Variants in CSMD1 observed in about 807,000 individuals in gnomAD.
The protein encoded by CSMD1 is CUB and sushi domain-containing protein 1.
Under a neutral mutation model 417.5 loss-of-function variants are expected in CSMD1, and 213 were observed. That is an observed-to-expected ratio of 0.51 (90% CI 0.46 to 0.57). The LOEUF is 0.57. Ranked by LOEUF, CSMD1 falls within the 20% of genes least tolerant of loss-of-function variation. CSMD1 has a pLI of 0.00. For synonymous variants in CSMD1, 2,862 were observed against 1,736.8 expected, an observed-to-expected ratio of 1.65 and a Z score of -16.11; for missense variants, 6,923 against 4,529.7, an observed-to-expected ratio of 1.53 and a Z score of -15.17.
chr8:4,606,385 A>G (rs1021169351), intron 2 of CSMD1, among the ~76,000 whole-genome samples: 1 of 151,398 alleles, frequency 6.6e-6, no homozygotes, highest in African/African-American at 2.4e-5. Context: ...TTTCTGTGCC[A>G]GAGGTGAGGC....
At chr8:4,149,990 C>G (rs907713949) in intron 3 of CSMD1, among the ~76,000 whole-genome samples, 7 of 152,294 alleles carry the variant, frequency 4.6e-5, no homozygotes, top group South Asian at 2.1e-4. Flanking sequence ...ACAGAGAAGT[C>G]AGAGAGACTG....
At chr8:3,956,623 C>A (rs73658506) in intron 5 of CSMD1, among the ~76,000 whole-genome samples, 3,468 of 152,264 alleles carry the variant, frequency 0.023, 133 homozygotes, top group African/African-American at 0.08. Flanking sequence ...GATAACAAGA[C>A]TAAAATGTTG....
chr8:3,244,478 A>G (rs1485924726), intron 26 of CSMD1, among the ~76,000 whole-genome samples: 1 of 152,138 alleles, frequency 6.6e-6, no homozygotes, highest in Non-Finnish European at 1.5e-5. Context: ...CAGTCTTTCC[A>G]GGAAGAAAGG....
intron 3 of CSMD1, among the ~76,000 whole-genome samples, chr8:4,244,228 G>A (rs774616543): frequency 6.6e-6 from 1 of 152,150 alleles, no homozygotes; most frequent in African/African-American, 2.4e-5. Context: ...AACAGTAACA[G>A]CTAGGCTTGA....
Position 4,337,214 on chromosome 8 carries a change from T to A in CSMD1, c.415+82739A>T, listed in dbSNP as rs1442433484. Among the ~76,000 whole-genome samples, 4 of 152,096 alleles carry A rather than the reference T, an allele frequency of 2.6e-5. No homozygotes were observed. The East Asian group carries it at 7.7e-4, about 29-fold the overall frequency. Reference sequence around the variant, plus strand: ...ATCTCAAAAGGGGAGACTTTCAATCTTTACCCAGGAGGCAAAAACTCCACT... The same window carrying A: ...ATCTCAAAAGGGGAGACTTTCAATCATTACCCAGGAGGCAAAAACTCCACT... On this transcript the variant is annotated intron_variant, in intron 3 of 69. Coordinates refer to ENST00000635120, the MANE Select transcript of CSMD1 (RefSeq NM_033225.6).
intron 3 of CSMD1, among the ~76,000 whole-genome samples, chr8:4,059,663 AC>A (rs1798870898): frequency 6.6e-6 from 1 of 152,156 alleles, no homozygotes; most frequent in African/African-American, 2.4e-5. Context: ...TACTACAAAC[AC>A]CTCTACGCAA....
chr8:3,745,161 A>T (rs1380420285), intron 6 of CSMD1, among the ~76,000 whole-genome samples: 1 of 152,244 alleles, frequency 6.6e-6, no homozygotes, highest in East Asian at 1.9e-4. Flanking sequence ...CAAAATATCT[A>T]TGAAAAACCA....
chr8:4,726,650 C>T (rs1563230065), intron 1 of CSMD1, among the ~76,000 whole-genome samples: 1 of 152,190 alleles, frequency 6.6e-6, no homozygotes, highest in Non-Finnish European at 1.5e-5. Context: ...GGTACTTCAT[C>T]ATCCTCCCTC....
intron 5 of CSMD1, among the ~76,000 whole-genome samples, chr8:3,842,196 T>C (rs900325743): frequency 6.6e-6 from 1 of 152,178 alleles, no homozygotes; most frequent in Non-Finnish European, 1.5e-5. Flanking sequence ...CATTGTAATA[T>C]TCCCATTTTC....
intron 9 of CSMD1, among the ~76,000 whole-genome samples, chr8:3,580,521 C>T (rs919437720): frequency 7.2e-5 from 11 of 152,020 alleles, no homozygotes; most frequent in Non-Finnish European, 1.6e-4. Flanking sequence ...TCTTTGATGT[C>T]AATAGAGTAT....
intron 3 of CSMD1, among the ~76,000 whole-genome samples, chr8:4,220,325 A>T (rs537493808): frequency 2.0e-5 from 3 of 152,250 alleles, no homozygotes; most frequent in Non-Finnish European, 2.9e-5. Context: ...GAAGCGTGAG[A>T]AGGAGGTTAG....
At chr8:4,340,074 A>T (rs1286536828) in intron 3 of CSMD1, among the ~76,000 whole-genome samples, 4 of 152,132 alleles carry the variant, frequency 2.6e-5, no homozygotes, top group Non-Finnish European at 1.5e-5. Context: ...GACTCTGGTA[A>T]CGTAAGTATT....
chr8:4,275,446 C>A (rs999748738), intron 3 of CSMD1, among the ~76,000 whole-genome samples: 2 of 151,764 alleles, frequency 1.3e-5, no homozygotes, highest in Non-Finnish European at 2.9e-5. Context: ...ATACTATGGC[C>A]TTTATTTAAA....
chr8:4,543,733 C>A (rs534364016), intron 2 of CSMD1, among the ~76,000 whole-genome samples: 3 of 139,890 alleles, frequency 2.1e-5, no homozygotes, highest in South Asian at 4.7e-4. Flanking sequence ...ACGGGCTGTA[C>A]CATTTTGCAT....
At chr8:4,914,681 G>A (rs566474423) in intron 1 of CSMD1, among the ~76,000 whole-genome samples, 88 of 151,996 alleles carry the variant, frequency 5.8e-4, no homozygotes, top group South Asian at 1.2e-3. Context: ...ACTAATCCGT[G>A]AAAATGAACT....
rs182903295 is a variant in CSMD1, at chr8:4,019,844, G to A, written c.610+12061C>T. Among the ~76,000 whole-genome samples, 17 of 150,374 alleles carry A rather than the reference G, an allele frequency of 1.1e-4. No homozygotes were observed. In the East Asian group the frequency reaches 2.7e-3, roughly 24 times the overall value. ...ACTAGGCACTCTTGTCCTTTTTCCT[G>A]AGCCCCAAACCATTTCTCTCCTCAA... is the stretch of plus-strand genomic sequence containing the variant. On this transcript the variant is annotated intron_variant, in intron 4 of 69. Coordinates refer to ENST00000635120, the MANE Select transcript of CSMD1 (RefSeq NM_033225.6).
intron 1 of CSMD1, among the ~76,000 whole-genome samples, chr8:4,985,232 G>A (rs983248707): frequency 1.3e-5 from 2 of 152,148 alleles, no homozygotes; most frequent in South Asian, 2.1e-4. Flanking sequence ...TGGGAGGAGG[G>A]AGAGGATTAG....
chr8:4,629,852 C>G (rs1224702054), intron 2 of CSMD1, among the ~76,000 whole-genome samples: 2 of 152,116 alleles, frequency 1.3e-5, no homozygotes, highest in Non-Finnish European at 2.9e-5. Flanking sequence ...ATGTGGCTGT[C>G]TGCTTGTTCT....
chr8:4,277,038 G>A (rs951028581), intron 3 of CSMD1, among the ~76,000 whole-genome samples: 4 of 152,066 alleles, frequency 2.6e-5, no homozygotes, highest in Non-Finnish European at 5.9e-5. Flanking sequence ...AAAATTACCA[G>A]GATGCCATCA....
Sources: allele counts gnomAD v4.1 joint callset (sites outside exome capture counted in the v4.1 genomes callset), GRCh38; gene constraint gnomAD v4.1.1; transcripts MANE v1.5; gene names NCBI Gene and HGNC (gene_info 2026-07-23, HGNC 2026-07-21).